CACNA2D1: variants seen among roughly 807,000 people sequenced by gnomAD.
CACNA2D1 encodes the protein calcium voltage-gated channel auxiliary subunit alpha2delta 1.
CACNA2D1 carries 53 observed loss-of-function variants against 171.5 expected under a neutral mutation model. The observed-to-expected ratio is 0.31, with a 90% CI of 0.25 to 0.39. The LOEUF is 0.39. Among genes scored for constraint, CACNA2D1 ranks in the 10% least tolerant of loss-of-function variants. The pLI, the probability that CACNA2D1 is intolerant of heterozygous loss-of-function variation, is 1.00. For synonymous variants in CACNA2D1, 442 were observed against 443.1 expected (o/e 1.00, Z 0.03); for missense variants, 903 against 1,299.8 (o/e 0.69, Z 4.69).
intron 1 of CACNA2D1, among the ~76,000 whole-genome samples, chr7:82,386,605 T>C (rs1257134067): frequency 1.3e-5 from 2 of 151,966 alleles, no homozygotes; most frequent in African/African-American, 4.8e-5. Context: ...TGATGGCGCA[T>C]GCCTGCAGTC....
chr7:82,383,325 CG>C (rs1296654721), intron 1 of CACNA2D1, among the ~76,000 whole-genome samples: 1 of 152,136 alleles, frequency 6.6e-6, no homozygotes, highest in Non-Finnish European at 1.5e-5. Context: ...AGACTGCCAG[CG>C]GTACCACTGC....
At chr7:82,361,865 G>A (rs1821119530) in intron 1 of CACNA2D1, among the ~76,000 whole-genome samples, 1 of 152,174 alleles carries the variant, frequency 6.6e-6, no homozygotes, top group Non-Finnish European at 1.5e-5. Context: ...GGTAGCAAAT[G>A]TCAAGATGGT....
chr7:81,951,976 T>TTTTTTG (rs1554321727), intron 38 of CACNA2D1, among the ~76,000 whole-genome samples: 3 of 148,004 alleles, frequency 2.0e-5, no homozygotes, highest in Non-Finnish European at 4.5e-5. Context: ...AGTGTTTTTT[T>TTTTTTG]TTTTTTTTTT....
At chr7:82,124,590 C>T (rs1790121172) in intron 5 of CACNA2D1, among the ~76,000 whole-genome samples, 1 of 152,104 alleles carries the variant, frequency 6.6e-6, no homozygotes, top group Non-Finnish European at 1.5e-5. Context: ...AGAGTGTAAA[C>T]CAAGTAAGCA....
chr7:82,393,410 C>G (rs1034003670), intron 1 of CACNA2D1, among the ~76,000 whole-genome samples: 1 of 152,018 alleles, frequency 6.6e-6, no homozygotes, highest in Non-Finnish European at 1.5e-5. Context: ...TCAAATACCA[C>G]TACTGTATCC....
intron 8 of CACNA2D1, among the ~76,000 whole-genome samples, chr7:82,065,075 G>C (rs1032891619): frequency 6.6e-6 from 1 of 151,666 alleles, no homozygotes; most frequent in African/African-American, 2.4e-5. Context: ...ACTGGAATGG[G>C]GCCTGACTTC....
intron 18 of CACNA2D1, among the ~76,000 whole-genome samples, chr7:81,999,527 A>G (rs985380375): frequency 2.6e-5 from 4 of 152,230 alleles, no homozygotes; most frequent in African/African-American, 9.6e-5. Flanking sequence ...TAGTATTACA[A>G]ATGCTACTTA....
chr7:81,996,044 T>C (rs907917803), intron 19 of CACNA2D1, among the ~76,000 whole-genome samples: 4 of 151,960 alleles, frequency 2.6e-5, no homozygotes, highest in Admixed American at 6.6e-5. Flanking sequence ...AAGGAAGGAG[T>C]AGATAACAGC....
chr7:82,421,218 T>A (rs1282074625), intron 1 of CACNA2D1, among the ~76,000 whole-genome samples: 1 of 152,190 alleles, frequency 6.6e-6, no homozygotes, highest in Non-Finnish European at 1.5e-5. Context: ...AAGCATTCTT[T>A]CAAAACCTGC....
Position 81,947,704 on chromosome 7 carries a change from TTAA to T in CACNA2D1, c.*2685_*2687del, listed in dbSNP as rs1309666953. The T allele has an allele frequency of 6.6e-6, 1 of 151,906 alleles. No homozygotes were observed. Among genetic ancestry groups the T allele is most frequent in the African/African-American group, 2.4e-5 (1 of 41,396 alleles). 9.4% of individuals were successfully genotyped at this position (151,906 alleles called of 1,614,324 possible). ...ACTGTTCAGTCGTTGGAAATCAATA[TTAA>T]TAACAGGCTATAATTTAAGTTCTTG... is the stretch of plus-strand genomic sequence containing the variant. On this transcript the variant is annotated 3_prime_UTR_variant, in exon 39 of 39. Transcript: ENST00000356860.
intron 30 of CACNA2D1, 32 bp downstream of exon 30, chr7:81,967,564 C>T (rs1444756994): frequency 5.2e-6 from 6 of 1,156,412 alleles, no homozygotes; most frequent in Non-Finnish European, 7.7e-6. Context: ...AAACATTAAA[C>T]ATAGCATAAG....
chr7:82,388,858 G>T lies in CACNA2D1; in HGVS notation c.96-39209C>A, dbSNP rs1004045963. Among the ~76,000 whole-genome samples, 11 of 152,170 alleles carry T rather than the reference G, an allele frequency of 7.2e-5. No homozygotes were observed. The East Asian group carries it at 2.1e-3, about 29-fold the overall frequency. ...AGGCCGGGCACGGTGGCTCACGCCT[G>T]TAATCCCAGCACTTTAGGAGGCCGA... On this transcript the variant is annotated intron_variant, in intron 1 of 38. Transcript: ENST00000356860.
intron 4 of CACNA2D1, among the ~76,000 whole-genome samples, chr7:82,150,506 A>T (rs1046715852): frequency 7.9e-5 from 12 of 151,504 alleles, no homozygotes; most frequent in Non-Finnish European, 1.3e-4. Flanking sequence ...CCTTTGCATC[A>T]TTTTTTTTCT....
chr7:82,303,229 C>T (rs1813269010), intron 3 of CACNA2D1, among the ~76,000 whole-genome samples: 1 of 152,022 alleles, frequency 6.6e-6, no homozygotes, highest in Admixed American at 6.6e-5. Flanking sequence ...TATCTCCTGA[C>T]CTTGTGATCT....
intron 2 of CACNA2D1, 131 bp downstream of exon 2, chr7:82,349,437 A>T: frequency 2.5e-6 from 2 of 815,892 alleles, no homozygotes; most frequent in Middle Eastern, 3.5e-4. Flanking sequence ...GGTTTCTCTC[A>T]GAATTTCACC....
chr7:82,008,121 G>A (rs1057098491), intron 15 of CACNA2D1, among the ~76,000 whole-genome samples: 1 of 152,040 alleles, frequency 6.6e-6, no homozygotes, highest in Non-Finnish European at 1.5e-5. Context: ...TCCATAAGCA[G>A]AGTGATAATA....
In CACNA2D1 at chr7:82,092,474, G is replaced by A. The variant is rs188244858; in HGVS notation, c.527-7574C>T. Among the ~76,000 whole-genome samples the A allele has an allele frequency of 2.4e-3, 357 of 150,742 alleles. 2 individuals carry two copies. Among genetic ancestry groups the A allele is most frequent in the South Asian group, 0.01 (48 of 4,768 alleles). The stretch of plus-strand genomic sequence containing the variant: ...GCCAAGCTCCGCCTCCCGGGTTCAT[G>A]CCATTCTCCTGCCTCAGCCTCCCGA... On this transcript the variant is annotated intron_variant, in intron 6 of 38. Coordinates refer to ENST00000356860, the MANE Select transcript of CACNA2D1 (RefSeq NM_000722.4).
rs1243857731 is a variant in CACNA2D1 at position 82,217,408 on chromosome 7, T to C, written c.295-46799A>G. Among the ~76,000 whole-genome samples, 15 of 75,336 alleles carry C rather than the reference T, an allele frequency of 2.0e-4. 1 individual carries two copies. The highest frequency in any genetic ancestry group is 1.9e-3 in the Admixed American group (13 of 6,752). 49.4% of individuals were successfully genotyped at this position (75,336 alleles called of 152,430 possible). On this transcript the variant is annotated intron_variant, in intron 3 of 38. Transcript: ENST00000356860. ...ACACACACATACATATATATATATA[T>C]ATATATATATATATATATCAGGAAA...
chr7:82,368,235 T>C (rs1472765714), intron 1 of CACNA2D1, among the ~76,000 whole-genome samples: 1 of 152,310 alleles, frequency 6.6e-6, no homozygotes, highest in Non-Finnish European at 1.5e-5. Context: ...CAAAGGATTG[T>C]AGAAGTATTT....
Sources: gnomAD v4.1 joint callset for allele counts (sites outside exome capture counted in the v4.1 genomes callset) on GRCh38, gnomAD v4.1.1 for gene constraint, MANE v1.5 for transcripts, NCBI Gene and HGNC (gene_info 2026-07-23, HGNC 2026-07-21) for gene names.